ZNF385D: variants seen among roughly 807,000 people sequenced by gnomAD.
ZNF385D encodes the protein zinc finger protein 385D, also known as zinc finger protein 659.
A neutral mutation model predicts 35.8 loss-of-function variants in ZNF385D; 15 were observed. The observed-to-expected ratio is 0.42, with a 90% CI of 0.28 to 0.64. ZNF385D has a LOEUF of 0.64. Among genes scored for constraint, ZNF385D ranks in the 30% least tolerant of loss-of-function variants. The pLI is 0.23. For missense variants in ZNF385D, 474 were observed against 494.6 expected (o/e 0.96, Z 0.39); for synonymous variants, 212 against 186.8 (o/e 1.13, Z -1.10).
At chr3:22,073,494 A>C (rs1257558734) in intron 3 of ZNF385D, among the ~76,000 whole-genome samples, 1 of 151,978 alleles carries the variant, frequency 6.6e-6, no homozygotes, top group Non-Finnish European at 1.5e-5. Context: ...TAATTGCTTT[A>C]TTTTTAAAAA....
chr3:21,627,314 C>T (rs2065164873), intron 2 of ZNF385D, among the ~76,000 whole-genome samples: 1 of 147,040 alleles, frequency 6.8e-6, no homozygotes, highest in Admixed American at 6.8e-5. Context: ...TGAAGGTCAA[C>T]CACTATGCTA....
chr3:21,545,841 T>A (rs1319330622), intron 3 of ZNF385D, among the ~76,000 whole-genome samples: 1 of 152,090 alleles, frequency 6.6e-6, no homozygotes, highest in African/African-American at 2.4e-5. Flanking sequence ...GAACTCCAAG[T>A]TTATCTTGGG....
At chr3:21,565,875 G>T (rs1283675429) in intron 2 of ZNF385D, among the ~76,000 whole-genome samples, 2 of 152,188 alleles carry the variant, frequency 1.3e-5, no homozygotes, top group Middle Eastern at 6.8e-3. Flanking sequence ...TGTCAGAAAT[G>T]ACTCTCTAAT....
At chr3:21,611,670 C>T (rs187048690) in intron 2 of ZNF385D, among the ~76,000 whole-genome samples, 1 of 152,040 alleles carries the variant, frequency 6.6e-6, no homozygotes, top group African/African-American at 2.4e-5. Context: ...ATGTTGTAAA[C>T]TAAACTGCTC....
intron 2 of ZNF385D, among the ~76,000 whole-genome samples, chr3:22,339,783 A>C (rs920305134): frequency 6.6e-6 from 1 of 152,076 alleles, no homozygotes; most frequent in Non-Finnish European, 1.5e-5. Context: ...AAATGTCACT[A>C]ATCACCTCTT....
chr3:21,701,851 G>A (rs1015637349), intron 1 of ZNF385D, among the ~76,000 whole-genome samples: 1 of 152,144 alleles, frequency 6.6e-6, no homozygotes, highest in Admixed American at 6.5e-5. Flanking sequence ...TTTGACTCCA[G>A]GTCTCACATC....
At chr3:22,101,309 TAGAG>T (rs1701930996) in intron 3 of ZNF385D, among the ~76,000 whole-genome samples, 1 of 151,998 alleles carries the variant, frequency 6.6e-6, no homozygotes, top group African/African-American at 2.4e-5. Context: ...TTTATGTAGA[TAGAG>T]AGATAGAAGT....
At chr3:21,753,029 G>A (rs958261782), upstream of ZNF385D, among the ~76,000 whole-genome samples, 3 of 152,120 alleles carry the variant, frequency 2.0e-5, no homozygotes, top group African/African-American at 7.2e-5. Flanking sequence ...AGCATTGAGA[G>A]TTGAGTTTCA....
At chr3:22,272,443 T>C (rs1015372082) in intron 2 of ZNF385D, among the ~76,000 whole-genome samples, 9 of 152,006 alleles carry the variant, frequency 5.9e-5, no homozygotes, top group East Asian at 3.9e-4. Flanking sequence ...TCAAGAAATA[T>C]ATATGTTGAC....
chr3:22,358,170 G>T (rs1464222057), intron 2 of ZNF385D, among the ~76,000 whole-genome samples: 1 of 151,866 alleles, frequency 6.6e-6, no homozygotes, highest in African/African-American at 2.4e-5. Flanking sequence ...TTTTGGATGT[G>T]ACACAAAGTT....
chr3:22,340,317 A>T (rs1464186534), intron 2 of ZNF385D, among the ~76,000 whole-genome samples: 6 of 152,160 alleles, frequency 3.9e-5, no homozygotes, highest in Non-Finnish European at 7.4e-5. Context: ...GGCCCAGTTA[A>T]AACTTATGGC....
intron 3 of ZNF385D, among the ~76,000 whole-genome samples, chr3:22,008,440 C>T (rs933170058): frequency 6.7e-6 from 1 of 148,842 alleles, no homozygotes; most frequent in Non-Finnish European, 1.5e-5. Context: ...GCAGGCTCCG[C>T]CCCCCGGAGT....
At chr3:22,094,711 G>A (rs1576309365) in intron 3 of ZNF385D, among the ~76,000 whole-genome samples, 1 of 151,896 alleles carries the variant, frequency 6.6e-6, no homozygotes, top group African/African-American at 2.4e-5. Flanking sequence ...TACCAGACAT[G>A]CTCAGTAGGT....
In ZNF385D at chr3:22,330,562, C is replaced by A. The variant is rs564900108; in HGVS notation, c.106+41888G>T. Among the ~76,000 whole-genome samples the A allele has an allele frequency of 4.6e-5, 7 of 152,126 alleles. No individual in the cohort carries two copies. In the South Asian group the frequency reaches 1.5e-3, roughly 32 times the overall value. ...CAAGTCTTATAATGATATTTCAGGGCCCCCGTCTGCTGTGATATGACAGAT... is the reference window on the plus strand; with the variant it reads ...CAAGTCTTATAATGATATTTCAGGGACCCCGTCTGCTGTGATATGACAGAT... On this transcript the variant is annotated intron_variant, in intron 2 of 5. Transcript: ENST00000494108.
At chr3:21,941,532 C>A (rs1262083702) in intron 3 of ZNF385D, among the ~76,000 whole-genome samples, 1 of 118,718 alleles carries the variant, frequency 8.4e-6, no homozygotes, top group African/African-American at 3.3e-5. Context: ...GAGTCTCACT[C>A]TGTCCCGCAG....
chr3:21,421,210 G>A lies in ZNF385D; in HGVS notation c.*4C>T. On this transcript the variant is annotated 3_prime_UTR_variant, in exon 8 of 8. Transcript: ENST00000281523. ...ATTGCAGTACAATTACTCCTATTTGGAATTTAGTAAGGAGCAAACAGCACA... is the reference window on the plus strand; with the variant it reads ...ATTGCAGTACAATTACTCCTATTTGAAATTTAGTAAGGAGCAAACAGCACA... The A allele has an allele frequency of 1.9e-6, 3 of 1,611,854 alleles. No homozygotes were observed. The African/African-American group carries it at 4.0e-5, about 22-fold the overall frequency.
chr3:22,088,020 T>C lies in ZNF385D; in HGVS notation c.325+80797A>G, dbSNP rs921067001. Among the ~76,000 whole-genome samples the C allele has an allele frequency of 4.6e-5, 7 of 152,308 alleles. No homozygotes were observed. In the East Asian group the frequency reaches 5.8e-4, roughly 13 times the overall value. On this transcript the variant is annotated intron_variant, in intron 3 of 5. Coordinates refer to the ZNF385D transcript ENST00000494108. ...GAGAAAGAATGTTAGTGATCAGCTG[T>C]TGACACTCAAAATCGGATTCAGCAG... is the stretch of plus-strand genomic sequence containing the variant.
intron 2 of ZNF385D, among the ~76,000 whole-genome samples, chr3:22,357,348 A>G (rs886491914): frequency 1.3e-4 from 19 of 151,892 alleles, no homozygotes; most frequent in African/African-American, 4.3e-4. Flanking sequence ...CTACTTTTCA[A>G]TTAGATGCAA....
At chr3:21,871,743 C>A (rs757494142) in intron 3 of ZNF385D, among the ~76,000 whole-genome samples, 3 of 152,098 alleles carry the variant, frequency 2.0e-5, no homozygotes, top group Non-Finnish European at 4.4e-5. Context: ...CAGTGGCTCA[C>A]ACCTTTAATC....
Sources: allele counts gnomAD v4.1 joint callset (sites outside exome capture counted in the v4.1 genomes callset), GRCh38; gene constraint gnomAD v4.1.1; transcripts MANE v1.5; gene names NCBI Gene and HGNC (gene_info 2026-07-23, HGNC 2026-07-21).